The following PPP2R2B variants were observed in gnomAD, a reference collection of about 807,000 sequenced individuals.
PPP2R2B encodes the protein serine/threonine-protein phosphatase 2A 55 kDa regulatory subunit B beta isoform.
Under a neutral mutation model 46.0 loss-of-function variants are expected in PPP2R2B, and 5 were observed. That is an observed-to-expected ratio of 0.11 (90% confidence interval 0.06 to 0.23). PPP2R2B has a LOEUF of 0.23. Among genes scored for constraint, PPP2R2B ranks in the 10% least tolerant of loss-of-function variants. The pLI is 1.00. For synonymous variants in PPP2R2B, 215 were observed against 206.7 expected (o/e 1.04, Z -0.34); for missense variants, 367 against 575.0 (o/e 0.64, Z 3.70).
intron 1 of PPP2R2B, among the ~76,000 whole-genome samples, chr5:147,015,008 T>G (rs1367041966): frequency 6.6e-6 from 1 of 152,150 alleles, no homozygotes; most frequent in Non-Finnish European, 1.5e-5. Context: ...TCCCAAACAC[T>G]TCTTGTTCCA....
In PPP2R2B at chr5:146,878,429, C is replaced by A; in HGVS notation, c.-125+162G>T. 2 of 1,410,662 alleles carry A rather than the reference C, an allele frequency of 1.4e-6. No individual in the cohort carries two copies. The highest frequency in any genetic ancestry group is 1.5e-5 in the South Asian group (1 of 65,368). 87.4% of individuals were successfully genotyped at this position (1,410,662 alleles called of 1,614,324 possible). On this transcript the variant is annotated intron_variant, in intron 1 of 9. Transcript: ENST00000394411. The surrounding 1 kb of genome is among the most constrained non-coding windows in gnomAD (Gnocchi z 4.5). ...CGCCCGCCCCGGAGGCGCTCACAAG[C>A]GGGTCTGGGGAGATGCCCAACAGGT... is the stretch of plus-strand genomic sequence containing the variant.
rs557290168 is a variant in PPP2R2B at position 146,848,171 on chromosome 5, T to A, written c.70+29831A>T. 1.3e-4 allele frequency among the ~76,000 whole-genome samples: 20 copies of A among 152,338 alleles called. 1 individual carries two copies. In the South Asian group the frequency reaches 4.1e-3, roughly 32 times the overall value. Reference sequence around the variant, plus strand: ...TTATCTTATTAACAGATTTTATTTTTAAAAATAGATTTAGATTGACAGAAA... The same window carrying A: ...TTATCTTATTAACAGATTTTATTTTAAAAAATAGATTTAGATTGACAGAAA... On this transcript the variant is annotated intron_variant, in intron 2 of 9. Coordinates refer to ENST00000394411, the MANE Select transcript of PPP2R2B (RefSeq NM_181675.4).
At chr5:146,845,285 A>G (rs1024452964) in intron 2 of PPP2R2B, among the ~76,000 whole-genome samples, 8 of 127,862 alleles carry the variant, frequency 6.3e-5, no homozygotes, top group Non-Finnish European at 9.6e-5. Context: ...ATTTATGACT[A>G]TTTCTTTTCT....
At chr5:147,040,430 T>G (rs554102395) in intron 1 of PPP2R2B, among the ~76,000 whole-genome samples, 11 of 151,876 alleles carry the variant, frequency 7.2e-5, no homozygotes, top group Admixed American at 2.6e-4. Context: ...TAAAGTGAAT[T>G]TGGAGGAGGC....
intron 7 of PPP2R2B, among the ~76,000 whole-genome samples, chr5:146,608,256 G>A (rs1290520974): frequency 6.6e-6 from 1 of 152,088 alleles, no homozygotes; most frequent in Non-Finnish European, 1.5e-5. Context: ...TCATGTAGAA[G>A]GGCTGGAAGA....
At chr5:146,671,716 C>T (rs912636717) in intron 5 of PPP2R2B, among the ~76,000 whole-genome samples, 2 of 152,210 alleles carry the variant, frequency 1.3e-5, no homozygotes, top group Non-Finnish European at 2.9e-5. Context: ...TCCCAGAGAG[C>T]ACAAAACTAC....
At chr5:146,968,204 T>C (rs1433843400) in intron 1 of PPP2R2B, among the ~76,000 whole-genome samples, 1 of 152,246 alleles carries the variant, frequency 6.6e-6, no homozygotes, top group Non-Finnish European at 1.5e-5. Context: ...GGGTATCAGT[T>C]CAGAGTTTCC....
At chr5:146,744,035 C>G (rs774600826) in intron 2 of PPP2R2B, among the ~76,000 whole-genome samples, 1 of 151,634 alleles carries the variant, frequency 6.6e-6, no homozygotes, top group Admixed American at 6.6e-5. Context: ...CATACCATGC[C>G]TGGAAATTAT....
intron 2 of PPP2R2B, among the ~76,000 whole-genome samples, chr5:146,714,145 C>T (rs753108320): frequency 2.6e-4 from 39 of 152,150 alleles, no homozygotes; most frequent in Non-Finnish European, 5.3e-4. Flanking sequence ...ATAAGAAAAT[C>T]AAAGAAACGT....
At chr5:146,942,179 T>C (rs760190816) in intron 1 of PPP2R2B, among the ~76,000 whole-genome samples, 1 of 152,226 alleles carries the variant, frequency 6.6e-6, no homozygotes, top group Admixed American at 6.5e-5. Context: ...TGAGGTGCTA[T>C]GAGTTAGGAC....
chr5:146,684,366 G>C (rs925131742), intron 5 of PPP2R2B, among the ~76,000 whole-genome samples: 1 of 152,220 alleles, frequency 6.6e-6, no homozygotes, highest in African/African-American at 2.4e-5. Flanking sequence ...CTGGCCTGGG[G>C]TTCCCCCTCC....
chr5:146,687,856 T>A (rs569132186), intron 5 of PPP2R2B, among the ~76,000 whole-genome samples: 1 of 152,318 alleles, frequency 6.6e-6, no homozygotes, highest in East Asian at 1.9e-4. Context: ...TTATTAAATG[T>A]TCTCACTCTC....
At chr5:147,066,693 GC>G (rs1757423589) in intron 2 of PPP2R2B, among the ~76,000 whole-genome samples, 1 of 152,094 alleles carries the variant, frequency 6.6e-6, no homozygotes, top group African/African-American at 2.4e-5. Context: ...GAAAGATATG[GC>G]CCCTGTCTTA....
intron 2 of PPP2R2B, among the ~76,000 whole-genome samples, chr5:146,730,838 G>T (rs898992562): frequency 2.6e-5 from 4 of 152,046 alleles, no homozygotes; most frequent in African/African-American, 9.7e-5. Context: ...ACTAATACAG[G>T]GAAATTAAAC....
At chr5:146,921,263 C>A (rs1452889778) in intron 1 of PPP2R2B, among the ~76,000 whole-genome samples, 1 of 152,200 alleles carries the variant, frequency 6.6e-6, no homozygotes, top group East Asian at 1.9e-4. Flanking sequence ...AATTCATCTG[C>A]TAAGTAGTCA....
chr5:147,034,756 T>TTATAAAG (rs1755956777), intron 1 of PPP2R2B, among the ~76,000 whole-genome samples: 1 of 152,192 alleles, frequency 6.6e-6, no homozygotes, highest in South Asian at 2.1e-4. Context: ...TTAGATCCTA[T>TTATAAAG]TATAAAGTGT....
chr5:146,700,104 T>G (rs1228347948), intron 3 of PPP2R2B, among the ~76,000 whole-genome samples: 2 of 152,196 alleles, frequency 1.3e-5, no homozygotes, highest in Admixed American at 1.3e-4. Flanking sequence ...GAGGCTTTCC[T>G]TTTTTGAGGG....
chr5:146,834,238 T>C (rs949360733), intron 2 of PPP2R2B, among the ~76,000 whole-genome samples: 2 of 152,342 alleles, frequency 1.3e-5, no homozygotes, highest in South Asian at 4.1e-4. Flanking sequence ...ATTCTCATAG[T>C]AAGTCCATGG....
chr5:146,842,293 T>C (rs1428072802), intron 2 of PPP2R2B, among the ~76,000 whole-genome samples: 2 of 152,286 alleles, frequency 1.3e-5, no homozygotes, highest in African/African-American at 4.8e-5. Flanking sequence ...CTCCCCGCTA[T>C]GGAGAGGAGC....
Sources: gnomAD v4.1 joint callset for allele counts (sites outside exome capture counted in the v4.1 genomes callset) on GRCh38, gnomAD v4.1.1 for gene constraint, Gnocchi (gnomAD v3.1) non-coding constraint, MANE v1.5 for transcripts, NCBI Gene and HGNC (gene_info 2026-07-23, HGNC 2026-07-21) for gene names.